The following KCNQ1OT1 variants were observed in gnomAD, a reference collection of about 807,000 sequenced individuals.
The protein encoded by KCNQ1OT1 is KCNQ1 opposite strand/antisense transcript 1.
chr11:2,633,900 T>C (rs749987613), exon 1 of KCNQ1OT1: 12 of 398,496 alleles, frequency 3.0e-5, no homozygotes, highest in Non-Finnish European at 4.9e-5. Context: ...GTTTTCACTT[T>C]TGTGAATATT....
chr11:2,648,981 CTTTTTTTTTTTTT>C, exon 1 of KCNQ1OT1: 3 of 313,730 alleles, frequency 9.6e-6, no homozygotes, highest in African/African-American at 3.9e-5. Flanking sequence ...TTTTCTTTTT[CTTTTTTTTTTTTT>C]TTTTTTTTTT....
In KCNQ1OT1 at chr11:2,621,238, A is replaced by G. The variant is rs899245039; in HGVS notation, n.78757T>C. 25 of 398,176 alleles carry G rather than the reference A, an allele frequency of 6.3e-5. No homozygotes were observed. In the East Asian group the frequency reaches 8.5e-4, roughly 14 times the overall value. The allele number at this position is 398,176 out of a possible 1,614,324, so 24.7% of individuals were successfully genotyped here. Reference sequence around the variant, plus strand: ...GATGATCCACGCACCTCAGCCTCCCAAAGTGCTAGGACTACAGGCATGAGC... The same window carrying G: ...GATGATCCACGCACCTCAGCCTCCCGAAGTGCTAGGACTACAGGCATGAGC... On this transcript the variant is annotated non_coding_transcript_exon_variant, in exon 1 of 1. Transcript: ENST00000597346. The surrounding 1 kb of genome is among the most constrained non-coding windows in gnomAD (Gnocchi z 5.7).
chr11:2,636,700 A>G (rs1254417718), exon 1 of KCNQ1OT1: 1 of 152,186 alleles, frequency 6.6e-6, no homozygotes, highest in Non-Finnish European at 1.5e-5. Flanking sequence ...CTGGCCTCAT[A>G]AAATGAGTTA....
At position 2,698,931 on chromosome 11, in the gene KCNQ1OT1, G is replaced by A. The variant is rs569206262; in HGVS notation, n.1064C>T. 1.9e-4 allele frequency: 74 copies of A among 398,592 alleles called. No individual in the cohort carries two copies. Among genetic ancestry groups the A allele is most frequent in the African/African-American group, 1.4e-3 (68 of 48,700 alleles). The allele number at this position is 398,592 out of a possible 1,614,324, so 24.7% of individuals were successfully genotyped here. A position where few individuals can be genotyped will look rare whatever the true frequency, so the allele number is the denominator to read the frequency against. ...CAGCCAGGATGTGGACCCTAGACCCGAATTCTGATCCCAACTAGGATACCT... is the reference window on the plus strand; with the variant it reads ...CAGCCAGGATGTGGACCCTAGACCCAAATTCTGATCCCAACTAGGATACCT... On this transcript the variant is annotated non_coding_transcript_exon_variant, in exon 1 of 1. Transcript: ENST00000597346. This position sits in a 1 kb window ranked among gnomAD's most constrained non-coding sequence, Gnocchi z 5.1.
Position 2,691,257 on chromosome 11 carries a change from G to C in KCNQ1OT1, n.8738C>G, listed in dbSNP as rs939074905. On this transcript the variant is annotated non_coding_transcript_exon_variant, in exon 1 of 1. Coordinates refer to ENST00000597346, the Ensembl canonical transcript of KCNQ1OT1. The surrounding 1 kb of genome is among the most constrained non-coding windows in gnomAD (Gnocchi z 6.4). ...CAGTTAACCCCTTGAGTCTCGGAAG[G>C]CTGTTTGAGCCACTAATCAGGAAGG... The C allele has an allele frequency of 7.5e-6, 3 of 398,620 alleles. No homozygotes were observed. Among genetic ancestry groups the C allele is most frequent in the Non-Finnish European group, 1.3e-5 (3 of 226,098 alleles). 24.7% of individuals were successfully genotyped at this position (398,620 alleles called of 1,614,324 possible).
rs1450182098 is a variant in KCNQ1OT1 at position 2,673,140 on chromosome 11, A to G, written n.26855T>C. 1 of 398,524 alleles carries G rather than the reference A, an allele frequency of 2.5e-6. No homozygotes were observed. Among genetic ancestry groups the G allele is most frequent in the African/African-American group, 2.1e-5 (1 of 48,612 alleles). 24.7% of individuals were successfully genotyped at this position (398,524 alleles called of 1,614,324 possible). On this transcript the variant is annotated non_coding_transcript_exon_variant, in exon 1 of 1. Transcript: ENST00000597346. This position sits in a 1 kb window ranked among gnomAD's most constrained non-coding sequence, Gnocchi z 4.5. ...AGGCAGCATCAGGGCAGGGGTGCTG[A>G]CCATCCCTGACCCAAGCACGAGGAT...
chr11:2,621,600 T>C lies in KCNQ1OT1; in HGVS notation n.78395A>G, dbSNP rs1849173575. 2.5e-6 allele frequency: 1 copy of C among 398,520 alleles called. No individual in the cohort carries two copies. Among genetic ancestry groups the C allele is most frequent in the East Asian group, 3.6e-5 (1 of 28,050 alleles). 24.7% of individuals were successfully genotyped at this position (398,520 alleles called of 1,614,324 possible). On this transcript the variant is annotated non_coding_transcript_exon_variant, in exon 1 of 1. Coordinates refer to ENST00000597346, the Ensembl canonical transcript of KCNQ1OT1. This position sits in a 1 kb window ranked among gnomAD's most constrained non-coding sequence, Gnocchi z 5.7. ...TCTGTTCAGGCTTTCTATTCCTGATTTAATCTTAGCAGGTTGGTTTTTTTC... is the reference window on the plus strand; with the variant it reads ...TCTGTTCAGGCTTTCTATTCCTGATCTAATCTTAGCAGGTTGGTTTTTTTC...
exon 1 of KCNQ1OT1, chr11:2,699,617 G>GAACCGCGCCGAAGAACCCCCGGGGAT (rs1850748624): frequency 2.8e-6 from 1 of 353,794 alleles, no homozygotes; most frequent in Non-Finnish European, 4.9e-6. Flanking sequence ...CCCCCGGAGA[G>GAACCGCGCCGAAGAACCCCCGGGGAT]AACCGCGCCG....
Position 2,698,390 on chromosome 11 carries a change from G to A in KCNQ1OT1, n.1605C>T. The A allele has an allele frequency of 2.5e-6, 1 of 398,392 alleles. No homozygotes were observed. The highest frequency in any genetic ancestry group is 4.4e-6 in the Non-Finnish European group (1 of 226,036). The allele number at this position is 398,392 out of a possible 1,614,324, so 24.7% of individuals were successfully genotyped here. A position where few individuals can be genotyped will look rare whatever the true frequency, so the allele number is the denominator to read the frequency against. On this transcript the variant is annotated non_coding_transcript_exon_variant, in exon 1 of 1. Transcript: ENST00000597346. The surrounding 1 kb of genome is among the most constrained non-coding windows in gnomAD (Gnocchi z 5.1). ...TTGACCTGCTCAGGGACCACAGTGGGGTACTGGGATCTGAACATAGTGGTG... is the reference window on the plus strand; with the variant it reads ...TTGACCTGCTCAGGGACCACAGTGGAGTACTGGGATCTGAACATAGTGGTG...
chr11:2,681,220 G>A lies in KCNQ1OT1; in HGVS notation n.18775C>T, dbSNP rs1850391007. 1.8e-5 allele frequency: 7 copies of A among 398,620 alleles called. No homozygotes were observed. The East Asian group carries it at 2.5e-4, about 14-fold the overall frequency. 24.7% of individuals were successfully genotyped at this position (398,620 alleles called of 1,614,324 possible). A position where few individuals can be genotyped will look rare whatever the true frequency, so the allele number is the denominator to read the frequency against. ...GCAGTGTTTGTGTTCTATGAAGAGTGGGTAGAAGGAAGCAGGAGAGTATTC... is the reference window on the plus strand; with the variant it reads ...GCAGTGTTTGTGTTCTATGAAGAGTAGGTAGAAGGAAGCAGGAGAGTATTC... On this transcript the variant is annotated non_coding_transcript_exon_variant, in exon 1 of 1. Coordinates refer to ENST00000597346, the Ensembl canonical transcript of KCNQ1OT1.
At chr11:2,633,932 A>C in exon 1 of KCNQ1OT1, 1 of 398,630 alleles carries the variant, frequency 2.5e-6, no homozygotes, top group Non-Finnish European at 4.4e-6. Context: ...TTGTTAGATT[A>C]TGGGGAAAAT....
exon 1 of KCNQ1OT1, chr11:2,628,819 A>T (rs1849304580): frequency 5.0e-6 from 2 of 398,122 alleles, no homozygotes; most frequent in South Asian, 1.3e-4. Context: ...TTCCAATTTA[A>T]TTTTTTTGCA....
At chr11:2,633,544 T>A in exon 1 of KCNQ1OT1, 1 of 398,604 alleles carries the variant, frequency 2.5e-6, no homozygotes, top group Non-Finnish European at 4.4e-6. Context: ...TTGATTTTTT[T>A]ATATGCTGAG....
In KCNQ1OT1 at chr11:2,691,389, T is replaced by C. The variant is rs145554506; in HGVS notation, n.8606A>G. ...GGGCTCAGGCCTCTGGGTCTGGGCATAGAAGCCCAGGAACTGCTGTCTGTG... is the reference window on the plus strand; with the variant it reads ...GGGCTCAGGCCTCTGGGTCTGGGCACAGAAGCCCAGGAACTGCTGTCTGTG... On this transcript the variant is annotated non_coding_transcript_exon_variant, in exon 1 of 1. Coordinates refer to ENST00000597346, the Ensembl canonical transcript of KCNQ1OT1. This position sits in a 1 kb window ranked among gnomAD's most constrained non-coding sequence, Gnocchi z 6.4. 84 of 398,648 alleles carry C rather than the reference T, an allele frequency of 2.1e-4. No individual in the cohort carries two copies. The East Asian group carries it at 3.0e-3, about 14-fold the overall frequency. 24.7% of individuals were successfully genotyped at this position (398,648 alleles called of 1,614,324 possible). A position where few individuals can be genotyped will look rare whatever the true frequency, so the allele number is the denominator to read the frequency against.
Position 2,671,333 on chromosome 11 carries a change from C to A in KCNQ1OT1, n.28662G>T. ...CCATGTGTGGCTGCAGCCTCAGAGG[C>A]TCCCTCTGAAGATGACACTGGGAAT... On this transcript the variant is annotated non_coding_transcript_exon_variant, in exon 1 of 1. Transcript: ENST00000597346. This position sits in a 1 kb window ranked among gnomAD's most constrained non-coding sequence, Gnocchi z 4.7. 2.5e-6 allele frequency: 1 copy of A among 398,610 alleles called. No homozygotes were observed. Among genetic ancestry groups the A allele is most frequent in the Non-Finnish European group, 4.4e-6 (1 of 226,068 alleles). 24.7% of individuals were successfully genotyped at this position (398,610 alleles called of 1,614,324 possible). A position where few individuals can be genotyped will look rare whatever the true frequency, so the allele number is the denominator to read the frequency against.
rs1308714431 is a variant in KCNQ1OT1 at position 2,653,852 on chromosome 11, TA to T, written n.46142del. 2.5e-6 allele frequency: 1 copy of T among 398,486 alleles called. No homozygotes were observed. Among genetic ancestry groups the T allele is most frequent in the Non-Finnish European group, 4.4e-6 (1 of 226,076 alleles). 24.7% of individuals were successfully genotyped at this position (398,486 alleles called of 1,614,324 possible). On this transcript the variant is annotated non_coding_transcript_exon_variant, in exon 1 of 1. Coordinates refer to ENST00000597346, the Ensembl canonical transcript of KCNQ1OT1. The surrounding 1 kb of genome is among the most constrained non-coding windows in gnomAD (Gnocchi z 5.3). ...CCTTTGGGGATGGCCAGAGGGTACCTAAACACTGCACACTAGGAGTGGGAAA... is the reference window on the plus strand; with the variant it reads ...CCTTTGGGGATGGCCAGAGGGTACCTAACACTGCACACTAGGAGTGGGAAA...
chr11:2,653,014 T>G lies in KCNQ1OT1; in HGVS notation n.46981A>C. 5.0e-6 allele frequency: 2 copies of G among 398,670 alleles called. No individual in the cohort carries two copies. Among genetic ancestry groups the G allele is most frequent in the Non-Finnish European group, 8.8e-6 (2 of 226,068 alleles). 24.7% of individuals were successfully genotyped at this position (398,670 alleles called of 1,614,324 possible). A position where few individuals can be genotyped will look rare whatever the true frequency, so the allele number is the denominator to read the frequency against. On this transcript the variant is annotated non_coding_transcript_exon_variant, in exon 1 of 1. Coordinates refer to ENST00000597346, the Ensembl canonical transcript of KCNQ1OT1. This position sits in a 1 kb window ranked among gnomAD's most constrained non-coding sequence, Gnocchi z 5.3. ...ACTGTCATGCTTGAGGCAAATCTATTCTGCACACCTTTGATCCAATGTGAG... is the reference window on the plus strand; with the variant it reads ...ACTGTCATGCTTGAGGCAAATCTATGCTGCACACCTTTGATCCAATGTGAG...
exon 1 of KCNQ1OT1, chr11:2,675,549 T>C (rs1850278503): frequency 2.5e-6 from 1 of 398,538 alleles, no homozygotes; most frequent in African/African-American, 2.1e-5. Flanking sequence ...CACTGGAAAT[T>C]CTGTAATAAG....
rs540912615 is a variant in KCNQ1OT1, at chr11:2,619,866, T to C, written n.80129A>G. ...GAGGTTTTGGGGTTTTTTTAACTTT[T>C]ATTTTTGATTTAGAGGGTATATGTA... On this transcript the variant is annotated non_coding_transcript_exon_variant, in exon 1 of 1. Transcript: ENST00000597346. 70 of 398,592 alleles carry C rather than the reference T, an allele frequency of 1.8e-4. No individual in the cohort carries two copies. Among genetic ancestry groups the C allele is most frequent in the African/African-American group, 1.3e-3 (61 of 48,710 alleles). The allele number at this position is 398,592 out of a possible 1,614,324, so 24.7% of individuals were successfully genotyped here.
Sources: allele counts gnomAD v4.1 joint callset, GRCh38; gene constraint gnomAD v4.1.1; non-coding constraint Gnocchi (gnomAD v3.1); transcripts MANE v1.5; gene names NCBI Gene and HGNC (gene_info 2026-07-23, HGNC 2026-07-21).